The following PCDHGA1 variants were observed in gnomAD, a reference collection of about 807,000 sequenced individuals.
PCDHGA1 encodes the protein protocadherin gamma-A1.
A neutral mutation model predicts 58.0 loss-of-function variants in PCDHGA1; 32 were observed. That is an observed-to-expected ratio of 0.55 (90% CI 0.42 to 0.74). The LOEUF is 0.74. Ranked by LOEUF, PCDHGA1 falls within the 30% of genes least tolerant of loss-of-function variation. The pLI is 0.00. For synonymous variants in PCDHGA1, 498 were observed against 501.1 expected (o/e 0.99, Z 0.08); for missense variants, 1,205 against 1,182.3 (o/e 1.02, Z -0.28).
At chr5:141,446,502 A>G (rs1178198384) in intron 1 of PCDHGA1, among the ~76,000 whole-genome samples, 5 of 150,732 alleles carry the variant, frequency 3.3e-5, no homozygotes, top group Non-Finnish European at 7.4e-5. Context: ...TTTGAGATGG[A>G]GTCTCGCTCT....
intron 1 of PCDHGA1, chr5:141,419,206 G>A: frequency 1.9e-6 from 3 of 1,613,876 alleles, no homozygotes; most frequent in Non-Finnish European, 1.7e-6. Flanking sequence ...ATGACAACGC[G>A]CCGGTTTTCG....
intron 1 of PCDHGA1, chr5:141,339,535 G>A: frequency 1.2e-6 from 2 of 1,614,198 alleles, no homozygotes; most frequent in Non-Finnish European, 1.7e-6. Flanking sequence ...GAGCTGATGG[G>A]AACAAGTACC....
intron 1 of PCDHGA1, among the ~76,000 whole-genome samples, chr5:141,452,455 C>T (rs2098741536): frequency 6.6e-6 from 1 of 152,208 alleles, no homozygotes; most frequent in Non-Finnish European, 1.5e-5. Flanking sequence ...GCCTTGTCAG[C>T]AGACGGAGCT....
chr5:141,393,682 C>T (rs756181553), intron 1 of PCDHGA1: 18 of 1,613,870 alleles, frequency 1.1e-5, no homozygotes, highest in Non-Finnish European at 1.3e-5. Context: ...AAACAAACTC[C>T]GTTATTCCAG....
intron 1 of PCDHGA1, chr5:141,350,979 GC>G: frequency 6.2e-7 from 1 of 1,614,068 alleles, no homozygotes; most frequent in Non-Finnish European, 8.5e-7. Context: ...CCCGTGTTTA[GC>G]CAGGAGGTAT....
Position 141,510,979 on chromosome 5 carries a change from G to A in PCDHGA1, c.2602G>A (p.Gly868Ser). 6.2e-7 allele frequency: 1 copy of A among 1,614,156 alleles called. No homozygotes were observed. The highest frequency in any genetic ancestry group is 8.5e-7 in the Non-Finnish European group (1 of 1,180,018). Reference sequence around the variant, plus strand: ...TGATGGGAGCTCCACCCTGGGAGGGGGTGCCGGCACCATGGGATTGAGCGC... The same window carrying A: ...TGATGGGAGCTCCACCCTGGGAGGGAGTGCCGGCACCATGGGATTGAGCGC... ...AADGSSTLGG[G>S]AGTMGLSARY... The change falls in exon 4 of 4, where the codon GGT becomes AGT. Residue 868 changes from glycine (G) to serine (S), a missense_variant. Physicochemically the swap from Gly to Ser is moderately conservative, Grantham distance 56. Transcript: ENST00000517417.
chr5:141,432,362 C>T lies in PCDHGA1; in HGVS notation c.2422-62445C>T. On this transcript the variant is annotated intron_variant, in intron 1 of 3. Transcript: ENST00000517417. The surrounding 1 kb of genome is among the most constrained non-coding windows in gnomAD (Gnocchi z 6.0). ...AGACTTGCAAGTGAAAGTGATGGCG[C>T]GGGACAACGGGCACCCGCCCCTCAG... 2 of 1,614,218 alleles carry T rather than the reference C, an allele frequency of 1.2e-6. No homozygotes were observed. Among genetic ancestry groups the T allele is most frequent in the South Asian group, 2.2e-5 (2 of 91,082 alleles).
In PCDHGA1 at chr5:141,332,289, G is replaced by C. The variant is rs751755905; in HGVS notation, c.1605G>C (p.Arg535=). The C allele has an allele frequency of 1.2e-6, 2 of 1,614,212 alleles. No homozygotes were observed. Among genetic ancestry groups the C allele is most frequent in the East Asian group, 4.5e-5 (2 of 44,878 alleles). Residue 535 remains arginine (R), a synonymous_variant, in exon 1 of 4, where the codon CGG becomes CGC. Transcript: ENST00000517417. This position sits in a 1 kb window ranked among gnomAD's most constrained non-coding sequence, Gnocchi z 4.6. ...ACATGCAACTGAAAGTGATGGCGCG[G>C]GACAGTGGGGATCCGCCCCTCAGCA... ...FRDMQLKVMA[R]DSGDPPLSSN...
intron 1 of PCDHGA1, chr5:141,345,077 A>T: frequency 1.2e-6 from 2 of 1,613,982 alleles, no homozygotes; most frequent in Non-Finnish European, 1.7e-6. Context: ...CAGAAATTAC[A>T]ATCACGTCTC....
At chr5:141,389,603 C>T (rs1166074538) in intron 1 of PCDHGA1, 2 of 1,613,148 alleles carry the variant, frequency 1.2e-6, no homozygotes, top group Admixed American at 1.7e-5. Context: ...CTGCGCTCTT[C>T]GATATGGTGC....
At chr5:141,371,382 T>A (rs774974302) in intron 1 of PCDHGA1, 1 of 1,613,888 alleles carries the variant, frequency 6.2e-7, no homozygotes, top group Non-Finnish European at 8.5e-7. Flanking sequence ...TCACACTGCA[T>A]ATTGTAAAGT....
intron 1 of PCDHGA1, chr5:141,421,770 G>A: frequency 6.2e-7 from 1 of 1,613,856 alleles, no homozygotes; most frequent in Non-Finnish European, 8.5e-7. Context: ...ACTTTTCCTT[G>A]CAACTGCGGG....
At chr5:141,352,925 T>C (rs1029791650) in intron 1 of PCDHGA1, among the ~76,000 whole-genome samples, 10 of 152,020 alleles carry the variant, frequency 6.6e-5, no homozygotes, top group African/African-American at 2.4e-4. Context: ...GAGGTGGAGA[T>C]TGTAGTGAGC....
chr5:141,418,572 AC>A lies in PCDHGA1; in HGVS notation c.2422-76229del, dbSNP rs752316020. 8.1e-6 allele frequency: 13 copies of A among 1,613,794 alleles called. 1 individual carries two copies. The Admixed American group carries it at 1.8e-4, about 23-fold the overall frequency. ...ATCCTGGTAATAGATGCCAATGACA[AC>A]CCCCCAGTGTTCAGCCAGGACGTGT... On this transcript the variant is annotated intron_variant, in intron 1 of 3. Transcript: ENST00000517417.
chr5:141,383,109 T>A, intron 1 of PCDHGA1: 1 of 1,613,908 alleles, frequency 6.2e-7, no homozygotes, highest in Non-Finnish European at 8.5e-7. Context: ...TCTCCAGAGG[T>A]AGGACGCAGC....
chr5:141,366,800 C>T (rs1243230147), intron 1 of PCDHGA1: 5 of 1,565,238 alleles, frequency 3.2e-6, no homozygotes, highest in Non-Finnish European at 4.3e-6. Context: ...TCATTTGTTT[C>T]CTTTTTCATG....
intron 1 of PCDHGA1, chr5:141,364,262 CG>C: frequency 1.3e-6 from 2 of 1,504,192 alleles, no homozygotes; most frequent in Non-Finnish European, 1.8e-6. Flanking sequence ...ATGTACCCAT[CG>C]GCTTTAGATA....
intron 1 of PCDHGA1, chr5:141,372,040 G>C (rs1768337326): frequency 6.2e-7 from 1 of 1,613,472 alleles, no homozygotes; most frequent in Middle Eastern, 1.7e-4. Flanking sequence ...GTGAGCCTGC[G>C]CGTGTTGGTG....
intron 1 of PCDHGA1, chr5:141,410,413 TG>T: frequency 6.2e-7 from 1 of 1,614,056 alleles, no homozygotes; most frequent in Non-Finnish European, 8.5e-7. Flanking sequence ...AGTCTGGACC[TG>T]TAGTTCCCCC....
Sources: gnomAD v4.1 joint callset for allele counts (sites outside exome capture counted in the v4.1 genomes callset) on GRCh38, gnomAD v4.1.1 for gene constraint, Gnocchi (gnomAD v3.1) non-coding constraint, MANE v1.5 for transcripts, NCBI Gene and HGNC (gene_info 2026-07-23, HGNC 2026-07-21) for gene names.